Variants in CYYR1 observed in about 807,000 individuals in gnomAD.
CYYR1 encodes the protein cysteine and tyrosine-rich protein 1.
Under a neutral mutation model 15.2 loss-of-function variants are expected in CYYR1, and 14 were observed. The ratio of observed to expected loss-of-function variants is 0.92; its 90% CI spans 0.61 to 1.44. The LOEUF (loss-of-function observed/expected upper bound fraction) is 1.44, where lower values mean the gene tolerates loss of function less well. CYYR1 is among the 40% of genes most tolerant of loss of function. The probability of loss-of-function intolerance (pLI) is 0.00; values close to 1 mark genes in which losing one functional copy is unlikely to be tolerated. For missense variants in CYYR1, 228 were observed against 209.5 expected, an observed-to-expected ratio of 1.09 and a Z score of -0.54; for synonymous variants, 80 against 77.4, an observed-to-expected ratio of 1.03 and a Z score of -0.18.
chr21:26,563,265 TAGAA>T (rs1208651188), intron 2 of CYYR1, among the ~76,000 whole-genome samples: 1 of 151,362 alleles, frequency 6.6e-6, no homozygotes, highest in African/African-American at 2.4e-5. Flanking sequence ...ATATTTAGAA[TAGAA>T]AGAATCTAAA....
intron 2 of CYYR1, among the ~76,000 whole-genome samples, chr21:26,489,084 G>A (rs2065291646): frequency 6.6e-6 from 1 of 152,054 alleles, no homozygotes; most frequent in Non-Finnish European, 1.5e-5. Flanking sequence ...GGTACTCTGG[G>A]ATCCTGTAGA....
At chr21:26,561,529 T>C (rs945761530) in intron 2 of CYYR1, among the ~76,000 whole-genome samples, 1 of 152,218 alleles carries the variant, frequency 6.6e-6, no homozygotes, top group Non-Finnish European at 1.5e-5. Context: ...TTATTAGCTG[T>C]CTTTGCCAAA....
chr21:26,555,843 T>C (rs1979738978), intron 2 of CYYR1, among the ~76,000 whole-genome samples: 1 of 152,126 alleles, frequency 6.6e-6, no homozygotes, highest in African/African-American at 2.4e-5. Context: ...CATAATGGAA[T>C]AAAAATCACT....
intron 2 of CYYR1, among the ~76,000 whole-genome samples, chr21:26,497,627 A>G (rs1014858260): frequency 2.6e-5 from 4 of 152,170 alleles, no homozygotes; most frequent in Non-Finnish European, 4.4e-5. Flanking sequence ...CTCTTTTACT[A>G]TTTGAAATTC....
chr21:26,489,842 A>G (rs773893817), intron 2 of CYYR1, among the ~76,000 whole-genome samples: 2 of 152,186 alleles, frequency 1.3e-5, no homozygotes, highest in African/African-American at 2.4e-5. Context: ...ATCCCCAGTA[A>G]CAACATGGAG....
rs2065872595 is a variant in CYYR1 at position 26,526,825 on chromosome 21, A to C, written c.176+39441T>G. On this transcript the variant is annotated intron_variant, in intron 2 of 3. Coordinates refer to ENST00000652641, the MANE Select transcript of CYYR1 (RefSeq NM_001320768.2). Reference sequence around the variant, plus strand: ...GGTAAAAGCTTTTTTAAGTTGTATAATAATTTCTGCTGTTACTTCAGGGTT... The same window carrying C: ...GGTAAAAGCTTTTTTAAGTTGTATACTAATTTCTGCTGTTACTTCAGGGTT... 1.3e-5 allele frequency among the ~76,000 whole-genome samples: 2 copies of C among 152,170 alleles called. 1 individual carries two copies. The highest frequency in any genetic ancestry group is 2.9e-5 in the Non-Finnish European group (2 of 68,044).
chr21:26,494,457 A>G (rs189229437), intron 2 of CYYR1, among the ~76,000 whole-genome samples: 2 of 152,330 alleles, frequency 1.3e-5, no homozygotes, highest in African/African-American at 4.8e-5. Flanking sequence ...AGATGTAATA[A>G]TTATCAAGGT....
intron 2 of CYYR1, among the ~76,000 whole-genome samples, chr21:26,527,470 CA>C (rs1001657705): frequency 6.5e-4 from 98 of 151,474 alleles, no homozygotes; most frequent in Non-Finnish European, 3.7e-4. Flanking sequence ...AGAAAGCCAA[CA>C]AAAAAAATGC....
intron 2 of CYYR1, among the ~76,000 whole-genome samples, chr21:26,542,286 T>TGTGTGC (rs758137063): frequency 3.9e-3 from 253 of 65,388 alleles, no homozygotes; most frequent in African/African-American, 0.01. Flanking sequence ...TATGTGTGTG[T>TGTGTGC]GTGCGTGTGT....
At chr21:26,547,708 C>G (rs1267025071) in intron 2 of CYYR1, among the ~76,000 whole-genome samples, 1 of 151,984 alleles carries the variant, frequency 6.6e-6, no homozygotes, top group Non-Finnish European at 1.5e-5. Context: ...AAAGCTTTTC[C>G]TTGGCACCTA....
chr21:26,538,683 T>TGTGGC (rs1978344700), intron 2 of CYYR1, among the ~76,000 whole-genome samples: 1 of 152,136 alleles, frequency 6.6e-6, no homozygotes, highest in Non-Finnish European at 1.5e-5. Flanking sequence ...GGAGCAAGAG[T>TGTGGC]GTGGCTTATT....
In CYYR1 at chr21:26,517,144, A is replaced by AG. The variant is rs1555908041; in HGVS notation, c.177-36716dup. ...AAAAAAAAAAAAAAAAAAAAAAAAA[A>AG]GAATTCACTGGGATAATCTATCAAA... On this transcript the variant is annotated intron_variant, in intron 2 of 3. Coordinates refer to ENST00000652641, the MANE Select transcript of CYYR1 (RefSeq NM_001320768.2). Among the ~76,000 whole-genome samples the AG allele has an allele frequency of 9.7e-4, 108 of 111,438 alleles. 7 individuals carry two copies. Among genetic ancestry groups the AG allele is most frequent in the African/African-American group, 1.8e-3 (51 of 27,690 alleles). 73.1% of individuals were successfully genotyped at this position (111,438 alleles called of 152,430 possible).
intron 2 of CYYR1, among the ~76,000 whole-genome samples, chr21:26,510,912 T>C (rs961927540): frequency 6.6e-6 from 1 of 152,220 alleles, no homozygotes; most frequent in Non-Finnish European, 1.5e-5. Flanking sequence ...TACAAAATAG[T>C]CAAATATGTG....
chr21:26,507,266 T>C (rs1359730438), intron 2 of CYYR1, among the ~76,000 whole-genome samples: 2 of 151,252 alleles, frequency 1.3e-5, no homozygotes, highest in Non-Finnish European at 1.5e-5. Flanking sequence ...TAGAGAGAGG[T>C]TTCAAGTTGA....
Position 26,566,279 on chromosome 21 carries a change from C to T in CYYR1, c.163G>A (p.Gly55Arg), listed in dbSNP as rs1381000120. ...PYCCSYYAYI[G>R]NILSGTAIAG... ...ACGAATACTCACGAGAGGATATTCC[C>T]AATATAAGCGTAGTAGGAGCAACAG... Residue 55 changes from glycine (G) to arginine (R), a missense_variant, in exon 2 of 4, where the codon GGG (glycine) becomes AGG (arginine). Transcript: ENST00000652641. 1.2e-6 allele frequency: 2 copies of T among 1,612,894 alleles called. No individual in the cohort carries two copies. The highest frequency in any genetic ancestry group is 1.7e-6 in the Non-Finnish European group (2 of 1,179,274).
At chr21:26,489,018 C>A (rs222178) in intron 2 of CYYR1, among the ~76,000 whole-genome samples, 1 of 151,970 alleles carries the variant, frequency 6.6e-6, no homozygotes, top group Non-Finnish European at 1.5e-5. Context: ...AATTGCTATA[C>A]AGTTTAAACA....
At chr21:26,545,117 T>C (rs1401600299) in intron 2 of CYYR1, among the ~76,000 whole-genome samples, 1 of 152,172 alleles carries the variant, frequency 6.6e-6, no homozygotes, top group African/African-American at 2.4e-5. Flanking sequence ...TTTTAATTCC[T>C]AATTTGACAA....
intron 2 of CYYR1, among the ~76,000 whole-genome samples, chr21:26,492,951 G>C (rs2065348301): frequency 6.6e-6 from 1 of 152,098 alleles, no homozygotes; most frequent in Admixed American, 6.6e-5. Context: ...TGTGAGTAGA[G>C]ATTGGTTGTG....
At chr21:26,542,878 G>T (rs1388200465) in intron 2 of CYYR1, among the ~76,000 whole-genome samples, 1 of 152,130 alleles carries the variant, frequency 6.6e-6, no homozygotes, top group Non-Finnish European at 1.5e-5. Flanking sequence ...ATGTATTAGG[G>T]TGTTAAGAAG....
Sources: allele counts gnomAD v4.1 joint callset (sites outside exome capture counted in the v4.1 genomes callset), GRCh38; gene constraint gnomAD v4.1.1; transcripts MANE v1.5; gene names NCBI Gene and HGNC (gene_info 2026-07-23, HGNC 2026-07-21).